SEC13: variants seen among roughly 807,000 people sequenced by gnomAD.
SEC13 encodes SEC13 homolog, nuclear pore and COPII component, also known as protein SEC13 homolog.
SEC13 carries 25 observed loss-of-function variants against 49.2 expected under a neutral mutation model. The observed-to-expected ratio is 0.51, with a 90% confidence interval of 0.37 to 0.71. The LOEUF (loss-of-function observed/expected upper bound fraction) is 0.71, where lower values mean the gene tolerates loss of function less well. Ranked by LOEUF, SEC13 falls within the 30% of genes least tolerant of loss-of-function variation. The probability of loss-of-function intolerance (pLI) is 0.00; values close to 1 mark genes in which losing one functional copy is unlikely to be tolerated. For synonymous variants in SEC13, 148 were observed against 163.9 expected (o/e 0.90, Z 0.74); for missense variants, 383 against 417.6 (o/e 0.92, Z 0.72).
chr3:10,307,394 C>T (rs1458279243), intron 5 of SEC13, among the ~76,000 whole-genome samples: 6 of 151,748 alleles, frequency 4.0e-5, no homozygotes, highest in Non-Finnish European at 5.9e-5. Flanking sequence ...TTTTTAGTAG[C>T]GTCGGGGTGT....
At chr3:10,304,763 C>A (rs1479827473) in intron 7 of SEC13, among the ~76,000 whole-genome samples, 1 of 152,200 alleles carries the variant, frequency 6.6e-6, no homozygotes, top group Non-Finnish European at 1.5e-5. Flanking sequence ...GCGCCCTAGT[C>A]TCACATGGGT....
At chr3:10,310,770 A>G (rs938517701) in intron 5 of SEC13, among the ~76,000 whole-genome samples, 2 of 152,254 alleles carry the variant, frequency 1.3e-5, no homozygotes, top group African/African-American at 4.8e-5. Flanking sequence ...GCAAAAACTT[A>G]TCTGCAAATG....
chr3:10,301,314 C>T lies in SEC13; in HGVS notation c.916G>A (p.Gly306Ser), dbSNP rs762417732. Residue 306 changes from glycine (G) to serine (S), a missense_variant, in exon 9 of 9, where the codon GGC becomes AGC. By Grantham distance (56) the Gly-to-Ser change is moderately conservative. Coordinates refer to ENST00000350697, the MANE Select transcript of SEC13 (RefSeq NM_183352.3). ...QWVCISDVNK[G>S]QGSVSASVTE... ...ACTGATGCTGATACGGAGCCCTGGC[C>T]CTTGTTGACATCACTGATGCACACC... 1.2e-6 allele frequency: 2 copies of T among 1,614,144 alleles called. No individual in the cohort carries two copies. Among genetic ancestry groups the T allele is most frequent in the East Asian group, 2.2e-5 (1 of 44,870 alleles).
At chr3:10,311,856 C>T (rs200530897) in intron 5 of SEC13, 109 bp downstream of exon 5, 23 of 1,600,736 alleles carry the variant, frequency 1.4e-5, no homozygotes, top group South Asian at 2.3e-5. Flanking sequence ...GACCACTCCC[C>T]GGCCCACTGT....
rs777717219 is a variant in SEC13, at chr3:10,318,092, C to T, written c.6G>A (p.Val2=). 1.9e-6 allele frequency: 3 copies of T among 1,597,800 alleles called. No individual in the cohort carries two copies. The highest frequency in any genetic ancestry group is 2.2e-5 in the South Asian group (2 of 90,690). The change falls in exon 2 of 9, where the codon GTG becomes GTA. Residue 2 remains valine (V), a splice_region_variant and synonymous_variant. Coordinates refer to ENST00000350697, the MANE Select transcript of SEC13 (RefSeq NM_183352.3). The part of the protein sequence containing the change: M[V]SVINTVDTSH... ...AGGTATCCACAGTGTTAATTACTGA[C>T]ACCTAGAACCAAAGATATCACTGGT...
At chr3:10,318,018 A>G in intron 2 of SEC13, 32 bp downstream of exon 2, 1 of 1,508,846 alleles carries the variant, frequency 6.6e-7, no homozygotes, top group Non-Finnish European at 9.2e-7. Flanking sequence ...CCATGTCCAC[A>G]CCCCTCCAGG....
intron 8 of SEC13, 172 bp downstream of exon 8, chr3:10,303,854 A>G: frequency 5.8e-6 from 4 of 688,864 alleles, no homozygotes; most frequent in South Asian, 1.6e-5. Flanking sequence ...TGTTAATACT[A>G]CCTCAGGGGC....
chr3:10,313,451 C>T (rs776675529), intron 3 of SEC13: 6 of 529,758 alleles, frequency 1.1e-5, no homozygotes, highest in Non-Finnish European at 1.9e-5. Flanking sequence ...AAAATGGAGA[C>T]ATCAATAAGA....
intron 3 of SEC13, 118 bp from the exon 4 acceptor site, chr3:10,312,848 AG>A (rs1701367722): frequency 1.0e-6 from 1 of 1,002,770 alleles, no homozygotes; most frequent in Middle Eastern, 2.1e-4. Flanking sequence ...AGAACTTCAA[AG>A]GGAGAACTAT....
intron 3 of SEC13, 56 bp downstream of exon 3, chr3:10,315,265 G>T: frequency 7.8e-7 from 1 of 1,278,782 alleles, no homozygotes; most frequent in African/African-American, 1.5e-5. Context: ...GCTTGAAGCA[G>T]GGCCTGAGAA....
Position 10,305,685 on chromosome 3 carries a change from C to T in SEC13, c.458G>A (p.Cys153Tyr), listed in dbSNP as rs1382047070. The change falls in exon 6 of 9, where the codon TGC becomes TAC. Residue 153 changes from cysteine to tyrosine, a missense_variant. By Grantham distance (194) the Cys-to-Tyr change is radical (BLOSUM62 -2). Transcript: ENST00000350697. ...KKINNAHTIG[C>Y]NAVSWAPAVV... ...AGCAGGGGCCCAGCTGACGGCATTG[C>T]AGCCAATCTGTAAAGATGGGACACA... The T allele has an allele frequency of 6.2e-7, 1 of 1,614,186 alleles. No homozygotes were observed. Among genetic ancestry groups the T allele is most frequent in the Admixed American group, 1.7e-5 (1 of 60,014 alleles).
chr3:10,316,057 T>C (rs1178392793), intron 2 of SEC13, among the ~76,000 whole-genome samples: 1 of 152,206 alleles, frequency 6.6e-6, no homozygotes, highest in Admixed American at 6.5e-5. Flanking sequence ...TCCCAGACTT[T>C]CCACCCAAGG....
chr3:10,303,778 T>G (rs1291031717), intron 8 of SEC13: 9 of 529,554 alleles, frequency 1.7e-5, no homozygotes, highest in Non-Finnish European at 2.8e-5. Flanking sequence ...ACCTCATAGT[T>G]TTGGGACCCC....
chr3:10,304,868 T>TGAC (rs1700768454), intron 7 of SEC13, among the ~76,000 whole-genome samples, 165 bp downstream of exon 7: 1 of 152,248 alleles, frequency 6.6e-6, no homozygotes, highest in Non-Finnish European at 1.5e-5. Flanking sequence ...TTGTGGCTTC[T>TGAC]GACCAAGACT....
intron 5 of SEC13, among the ~76,000 whole-genome samples, chr3:10,309,244 T>TTAAG (rs1701096730): frequency 6.6e-6 from 1 of 151,928 alleles, no homozygotes; most frequent in Non-Finnish European, 1.5e-5. Context: ...GCTGATATTG[T>TTAAG]TAAGTGTGGG....
At chr3:10,303,325 G>A (rs905628604) in intron 8 of SEC13, among the ~76,000 whole-genome samples, 10 of 152,366 alleles carry the variant, frequency 6.6e-5, no homozygotes, top group Non-Finnish European at 7.3e-5. Context: ...CTGACCCTGC[G>A]GCGTTAGAGA....
At chr3:10,301,457 A>C in intron 8 of SEC13, 83 bp from the exon 9 acceptor site, 7 of 1,558,206 alleles carry the variant, frequency 4.5e-6, no homozygotes, top group Non-Finnish European at 6.1e-6. Context: ...CATCCTCATC[A>C]AGAACCACTG....
rs1426336322 is a variant in SEC13, at chr3:10,317,290, T to C, written c.48+760A>G. Among the ~76,000 whole-genome samples the C allele has an allele frequency of 3.3e-5, 5 of 152,226 alleles. No homozygotes were observed. In the East Asian group the frequency reaches 5.8e-4, roughly 18 times the overall value. ...CTCATGACTGAATCCAGAGAACATA[T>C]ACAACTCTGGGACCAGACAACCTCT... On this transcript the variant is annotated intron_variant, in intron 2 of 8. Coordinates refer to ENST00000350697, the MANE Select transcript of SEC13 (RefSeq NM_183352.3).
At chr3:10,320,816 C>T in intron 1 of SEC13, 1 of 1,327,284 alleles carries the variant, frequency 7.5e-7, no homozygotes, top group Non-Finnish European at 9.6e-7. Flanking sequence ...GGGAGACTGG[C>T]AGGAGACGCA....
Sources: allele counts gnomAD v4.1 joint callset (sites outside exome capture counted in the v4.1 genomes callset), GRCh38; gene constraint gnomAD v4.1.1; transcripts MANE v1.5; gene names NCBI Gene and HGNC (gene_info 2026-07-23, HGNC 2026-07-21).